ZNF804A: variants seen among roughly 807,000 people sequenced by gnomAD.
ZNF804A encodes the protein zinc finger protein 804A.
ZNF804A carries 2 observed loss-of-function variants against 16.5 expected under a neutral mutation model. The observed-to-expected ratio is 0.12, with a 90% CI of 0.05 to 0.38. The LOEUF (loss-of-function observed/expected upper bound fraction) is 0.38, where lower values mean the gene tolerates loss of function less well. Ranked by LOEUF, ZNF804A falls within the 10% of genes least tolerant of loss-of-function variation. ZNF804A has a pLI of 0.99. For missense variants in ZNF804A, 1,473 were observed against 1,390.7 expected (o/e 1.06, Z -0.94); for synonymous variants, 534 against 489.6 (o/e 1.09, Z -1.20).
intron 1 of ZNF804A, among the ~76,000 whole-genome samples, chr2:184,836,627 G>T (rs925768372): frequency 1.8e-4 from 27 of 151,548 alleles, no homozygotes; most frequent in African/African-American, 6.3e-4. Flanking sequence ...AATAAACATA[G>T]ATATTATAGG....
chr2:184,867,087 A>G (rs1197665324), intron 2 of ZNF804A, among the ~76,000 whole-genome samples: 1 of 151,860 alleles, frequency 6.6e-6, no homozygotes, highest in East Asian at 1.9e-4. Context: ...TTTATTGTCA[A>G]TTATAAATCC....
intron 1 of ZNF804A, among the ~76,000 whole-genome samples, chr2:184,653,103 C>A (rs1574148139): frequency 1.3e-5 from 2 of 152,220 alleles, no homozygotes; most frequent in East Asian, 1.9e-4. Flanking sequence ...CAAGAATGGA[C>A]AAATACACCT....
intron 1 of ZNF804A, among the ~76,000 whole-genome samples, chr2:184,617,513 T>A (rs773341286): frequency 2.0e-5 from 3 of 151,838 alleles, no homozygotes; most frequent in Non-Finnish European, 4.4e-5. Flanking sequence ...AAAAATTATA[T>A]CGAAGATTTA....
intron 2 of ZNF804A, among the ~76,000 whole-genome samples, chr2:184,906,168 G>T (rs938465910): frequency 6.6e-6 from 1 of 152,120 alleles, no homozygotes; most frequent in African/African-American, 2.4e-5. Context: ...TTCTCTAAAG[G>T]ATTCATAAAA....
At chr2:184,764,205 A>AT (rs149141232) in intron 1 of ZNF804A, among the ~76,000 whole-genome samples, 12,690 of 149,600 alleles carry the variant, frequency 0.085, 622 homozygotes, top group African/African-American at 0.13. Context: ...ACTTTTATTC[A>AT]TTTTTTTTTT....
intron 1 of ZNF804A, among the ~76,000 whole-genome samples, chr2:184,790,795 G>GGGTTTCACC (rs1320208432): frequency 4.6e-5 from 7 of 152,126 alleles, no homozygotes; most frequent in Non-Finnish European, 7.4e-5. Flanking sequence ...AGTAGAGACA[G>GGGTTTCACC]GGTTTCACCG....
At chr2:184,864,232 C>G (rs542515131) in intron 1 of ZNF804A, among the ~76,000 whole-genome samples, 1 of 152,140 alleles carries the variant, frequency 6.6e-6, no homozygotes, top group Non-Finnish European at 1.5e-5. Context: ...AGAGATCACA[C>G]GGTACAAGAG....
Position 184,937,917 on chromosome 2 carries a change from TC to T in ZNF804A, c.2523del (p.Leu842Ter). ...AGATTATCCCGTGAAAGACAATTCTTCCTTAAATCCTCTGGATAGGTTAATA... is the reference window on the plus strand; with the variant it reads ...AGATTATCCCGTGAAAGACAATTCTTCTTAAATCCTCTGGATAGGTTAATA... Reference protein sequence around the residue: ...NTDYPVKDNSSLNPLDRLISE... With the variant: ...NTDYPVKDNSXLNPLDRLISE... On this transcript the variant is annotated frameshift_variant, in exon 4 of 4. Coordinates refer to ENST00000302277, the MANE Select transcript of ZNF804A (RefSeq NM_194250.2). LOFTEE classifies it low-confidence loss of function (END_TRUNC). The T allele has an allele frequency of 6.2e-7, 1 of 1,614,078 alleles. No homozygotes were observed. The highest frequency in any genetic ancestry group is 8.5e-7 in the Non-Finnish European group (1 of 1,180,018).
At chr2:184,771,222 G>A (rs1000361201) in intron 1 of ZNF804A, among the ~76,000 whole-genome samples, 1 of 151,884 alleles carries the variant, frequency 6.6e-6, no homozygotes, top group Non-Finnish European at 1.5e-5. Flanking sequence ...CAACATTTTT[G>A]AAATTAAAAT....
In ZNF804A at chr2:184,939,293, A is replaced by G; in HGVS notation, c.*267A>G. On this transcript the variant is annotated 3_prime_UTR_variant, in exon 4 of 4. Coordinates refer to ENST00000302277, the MANE Select transcript of ZNF804A (RefSeq NM_194250.2). ...AAATGATGTCTTAAGAGTATGTATA[A>G]TGTACATAAAATATATTTATAGTAC... is the stretch of plus-strand genomic sequence containing the variant. The G allele has an allele frequency of 3.4e-6, 1 of 293,354 alleles. No individual in the cohort carries two copies. The highest frequency in any genetic ancestry group is 6.3e-6 in the Non-Finnish European group (1 of 157,950). 18.2% of individuals were successfully genotyped at this position (293,354 alleles called of 1,614,324 possible). A position where few individuals can be genotyped will look rare whatever the true frequency, so the allele number is the denominator to read the frequency against.
At chr2:184,869,425 G>A (rs543150973) in intron 2 of ZNF804A, among the ~76,000 whole-genome samples, 3 of 151,940 alleles carry the variant, frequency 2.0e-5, no homozygotes, top group African/African-American at 4.8e-5. Context: ...AAAGGGAGGA[G>A]GATTTATTAA....
chr2:184,670,930 A>G (rs528949504), intron 1 of ZNF804A, among the ~76,000 whole-genome samples: 3 of 152,074 alleles, frequency 2.0e-5, no homozygotes, highest in South Asian at 4.2e-4. Flanking sequence ...CTTTCATCTT[A>G]CCCATTATAG....
At chr2:184,725,850 T>G (rs1053443967) in intron 1 of ZNF804A, among the ~76,000 whole-genome samples, 2 of 151,710 alleles carry the variant, frequency 1.3e-5, no homozygotes, top group East Asian at 3.9e-4. Context: ...GTGTTTTAGA[T>G]CTCTGTAATT....
intron 2 of ZNF804A, among the ~76,000 whole-genome samples, chr2:184,914,010 G>C (rs1232385221): frequency 1.3e-5 from 2 of 152,082 alleles, no homozygotes; most frequent in Non-Finnish European, 2.9e-5. Flanking sequence ...TGTATCTGTG[G>C]ATGCCTGTGT....
At chr2:184,900,696 TG>T (rs986220194) in intron 2 of ZNF804A, among the ~76,000 whole-genome samples, 13 of 152,066 alleles carry the variant, frequency 8.5e-5, no homozygotes, top group Non-Finnish European at 1.3e-4. Flanking sequence ...CAGAGAAGAC[TG>T]GGAATGCTTT....
intron 1 of ZNF804A, among the ~76,000 whole-genome samples, chr2:184,742,421 C>A (rs1405091087): frequency 6.6e-6 from 1 of 151,794 alleles, no homozygotes; most frequent in Non-Finnish European, 1.5e-5. Flanking sequence ...GAATATATTT[C>A]ATGGGTATTT....
intron 2 of ZNF804A, among the ~76,000 whole-genome samples, chr2:184,878,482 G>T (rs1684749634): frequency 6.6e-6 from 1 of 151,974 alleles, no homozygotes; most frequent in South Asian, 2.1e-4. Flanking sequence ...GAAAGCGTAA[G>T]GATTTTGGTT....
intron 2 of ZNF804A, among the ~76,000 whole-genome samples, chr2:184,887,125 T>C (rs1336563238): frequency 1.3e-5 from 2 of 152,220 alleles, no homozygotes; most frequent in Non-Finnish European, 2.9e-5. Flanking sequence ...GTTACAAATT[T>C]CTTCTGCCAC....
chr2:184,937,674 T>C lies in ZNF804A; in HGVS notation c.2278T>C (p.Ser760Pro). The C allele has an allele frequency of 1.2e-6, 2 of 1,614,076 alleles. No individual in the cohort carries two copies. The highest frequency in any genetic ancestry group is 1.7e-6 in the Non-Finnish European group (2 of 1,179,986). The change falls in exon 4 of 4, where the codon TCT (serine) becomes CCT (proline). Residue 760 changes from serine to proline, a missense_variant. Ser to Pro is a moderately conservative substitution (Grantham distance 74). Coordinates refer to ENST00000302277, the MANE Select transcript of ZNF804A (RefSeq NM_194250.2). Reference sequence around the variant, plus strand: ...TCAGGCTGTTAAAAGAGGTTACAATTCTGTCATGAATGAATCAGAAAGATT... The same window carrying C: ...TCAGGCTGTTAAAAGAGGTTACAATCCTGTCATGAATGAATCAGAAAGATT... ...QNQAVKRGYN[S>P]VMNESERFYR...
Sources: allele counts gnomAD v4.1 joint callset (sites outside exome capture counted in the v4.1 genomes callset), GRCh38; gene constraint gnomAD v4.1.1; transcripts MANE v1.5; gene names NCBI Gene and HGNC (gene_info 2026-07-23, HGNC 2026-07-21).